Variants in ENC1 observed in about 807,000 individuals in gnomAD.
ENC1 encodes the protein ectoderm-neural cortex protein 1.
A neutral mutation model predicts 40.9 loss-of-function variants in ENC1; 19 were observed. The observed-to-expected ratio is 0.46, with a 90% CI of 0.32 to 0.68. The LOEUF (loss-of-function observed/expected upper bound fraction) is 0.68. ENC1 is among the 30% of genes least tolerant of loss of function. The pLI is 0.03. For synonymous variants in ENC1, 285 were observed against 291.1 expected (o/e 0.98, Z 0.21); for missense variants, 479 against 737.5 (o/e 0.65, Z 4.06).
intron 2 of ENC1, among the ~76,000 whole-genome samples, chr5:74,633,841 G>T (rs560233563): frequency 1.3e-5 from 2 of 152,154 alleles, no homozygotes; most frequent in Non-Finnish European, 2.9e-5. Context: ...CTTAGCCTCC[G>T]TAATGCATGA....
intron 2 of ENC1, among the ~76,000 whole-genome samples, chr5:74,630,206 G>GCA (rs1747346564): frequency 6.6e-6 from 1 of 152,168 alleles, no homozygotes; most frequent in Admixed American, 6.5e-5. Context: ...ACACACGTGT[G>GCA]CACGTACACA....
intron 2 of ENC1, among the ~76,000 whole-genome samples, chr5:74,633,456 A>AAT (rs1412252317): frequency 3.9e-5 from 6 of 152,214 alleles, no homozygotes; most frequent in African/African-American, 4.8e-5. Context: ...TATCTGCACA[A>AAT]ATTTCTGCTA....
chr5:74,636,514 A>C lies in ENC1; in HGVS notation c.-13-16T>G. On this transcript the variant is annotated splice_polypyrimidine_tract_variant and intron_variant, in intron 1 of 2. Coordinates refer to ENST00000302351, the MANE Select transcript of ENC1 (RefSeq NM_003633.4). This position sits in a 1 kb window ranked among gnomAD's most constrained non-coding sequence, Gnocchi z 4.8. ...GTTTCCACTCCTAAAAATAATAATA[A>C]TAATAAATTGAAAATGATGCTCCTG... 1 of 1,360,460 alleles carries C rather than the reference A, an allele frequency of 7.4e-7. No homozygotes were observed. The highest frequency in any genetic ancestry group is 1.0e-6 in the Non-Finnish European group (1 of 980,154). 84.3% of individuals were successfully genotyped at this position (1,360,460 alleles called of 1,614,324 possible).
In ENC1 at chr5:74,635,197, A is replaced by G. The variant is rs1189100797; in HGVS notation, c.1289T>C (p.Leu430Pro). 1.9e-6 allele frequency: 3 copies of G among 1,614,192 alleles called. No homozygotes were observed. The highest frequency in any genetic ancestry group is 1.7e-5 in the Admixed American group (1 of 60,024). ...TINKWTMVAP[L>P]REGVSNAAVV... Reference sequence around the variant, plus strand: ...TGCGGCGTTGCTAACGCCTTCTCGGAGTGGGGCCACCATGGTCCATTTGTT... The same window carrying G: ...TGCGGCGTTGCTAACGCCTTCTCGGGGTGGGGCCACCATGGTCCATTTGTT... Residue 430 changes from leucine (L) to proline (P), a missense_variant, in exon 2 of 3, where the codon CTC becomes CCC. By Grantham distance (98) the Leu-to-Pro change is moderately conservative. Coordinates refer to ENST00000302351, the MANE Select transcript of ENC1 (RefSeq NM_003633.4). The surrounding 1 kb of genome is among the most constrained non-coding windows in gnomAD (Gnocchi z 5.5).
At position 74,629,711 on chromosome 5, in the gene ENC1, T is replaced by A. The variant is rs1055891044; in HGVS notation, c.*314A>T. On this transcript the variant is annotated 3_prime_UTR_variant, in exon 3 of 3. Coordinates refer to ENST00000302351, the MANE Select transcript of ENC1 (RefSeq NM_003633.4). ...GGTACAGCAAGGGAAAAGGTCCAGC[T>A]TTTCTCTCCCTTTGAGGGGCTGATT... 1.3e-5 allele frequency: 2 copies of A among 152,168 alleles called. No individual in the cohort carries two copies. The highest frequency in any genetic ancestry group is 4.8e-5 in the African/African-American group (2 of 41,432). The allele number at this position is 152,168 out of a possible 1,614,324, so 9.4% of individuals were successfully genotyped here.
In ENC1 at chr5:74,634,770, CG is replaced by C; in HGVS notation, c.1715del (p.Pro572ArgfsTer4). On this transcript the variant is annotated frameshift_variant, in exon 2 of 3. Transcript: ENST00000302351. LOFTEE classifies it high-confidence loss of function. ...LDVWNSITTV[P>X]YSLIPTAFVS... The stretch of plus-strand genomic sequence containing the variant: ...CAAATGCAGTAGGAATCAGCGAGTA[CG>C]GGACAGTGGTGATGCTGTTCCACAC... 1 of 1,613,964 alleles carries C rather than the reference CG, an allele frequency of 6.2e-7. No individual in the cohort carries two copies. The highest frequency in any genetic ancestry group is 8.5e-7 in the Non-Finnish European group (1 of 1,179,844).
At chr5:74,637,226 C>T (rs1245804282) in intron 1 of ENC1, among the ~76,000 whole-genome samples, 2 of 152,204 alleles carry the variant, frequency 1.3e-5, no homozygotes, top group Non-Finnish European at 2.9e-5. Flanking sequence ...AGTGATCCTC[C>T]TGCCTTGGCC....
At chr5:74,639,958 GAGCGACGC>G (rs778448973) in intron 1 of ENC1, 7 of 152,256 alleles carry the variant, frequency 4.6e-5, no homozygotes, top group Non-Finnish European at 7.3e-5. Context: ...AGGCTGCGGG[GAGCGACGC>G]AGCGCGACAT....
In ENC1 at chr5:74,636,092, T is replaced by C; in HGVS notation, c.394A>G (p.Ile132Val). The change falls in exon 2 of 3, where the codon ATC becomes GTC. Residue 132 changes from isoleucine (I) to valine (V), a missense_variant. Ile to Val is a conservative substitution (Grantham distance 29). Transcript: ENST00000302351. This position sits in a 1 kb window ranked among gnomAD's most constrained non-coding sequence, Gnocchi z 4.8. The stretch of plus-strand genomic sequence containing the variant: ...AGGAACTCTGCACATGCATCCCGGA[T>C]GTCTTGAAACTCCAGCATGTCACCA... ...EAGDMLEFQD[I>V]RDACAEFLEK... The C allele has an allele frequency of 6.2e-7, 1 of 1,614,212 alleles. No individual in the cohort carries two copies. The highest frequency in any genetic ancestry group is 8.5e-7 in the Non-Finnish European group (1 of 1,180,046).
At chr5:74,638,627 G>A (rs1217653070) in intron 1 of ENC1, among the ~76,000 whole-genome samples, 1 of 152,166 alleles carries the variant, frequency 6.6e-6, no homozygotes, top group African/African-American at 2.4e-5. Flanking sequence ...ATGAACCTAT[G>A]GGAATGCATC....
rs1747322570 is a variant in ENC1 at position 74,629,612 on chromosome 5, C to T, written c.*413G>A. 6.6e-6 allele frequency: 1 copy of T among 152,178 alleles called. No individual in the cohort carries two copies. The highest frequency in any genetic ancestry group is 2.4e-5 in the African/African-American group (1 of 41,434). The allele number at this position is 152,178 out of a possible 1,614,324, so 9.4% of individuals were successfully genotyped here. A position where few individuals can be genotyped will look rare whatever the true frequency, so the allele number is the denominator to read the frequency against. ...TGGTGTGGAGGCTTCAAGCTCTGTCCTCAGAGAGAGGTGACAACCATTTCA... is the reference window on the plus strand; with the variant it reads ...TGGTGTGGAGGCTTCAAGCTCTGTCTTCAGAGAGAGGTGACAACCATTTCA... On this transcript the variant is annotated 3_prime_UTR_variant, in exon 3 of 3. Coordinates refer to ENST00000302351, the MANE Select transcript of ENC1 (RefSeq NM_003633.4).
chr5:74,629,316 T>C lies in ENC1; in HGVS notation c.*709A>G, dbSNP rs1295662506. The C allele has an allele frequency of 6.6e-6, 1 of 152,172 alleles. No homozygotes were observed. Among genetic ancestry groups the C allele is most frequent in the Admixed American group, 6.5e-5 (1 of 15,282 alleles). 9.4% of individuals were successfully genotyped at this position (152,172 alleles called of 1,614,324 possible). On this transcript the variant is annotated 3_prime_UTR_variant, in exon 3 of 3. Transcript: ENST00000302351. ...ACACGTCCATACATGTGAAGACAGCTGTAGGCATTGTTTCAGCATGCAGGC... is the reference window on the plus strand; with the variant it reads ...ACACGTCCATACATGTGAAGACAGCCGTAGGCATTGTTTCAGCATGCAGGC...
rs778396427 is a variant in ENC1, at chr5:74,636,889, G to T, written c.-13-391C>A. Among the ~76,000 whole-genome samples, 18 of 152,156 alleles carry T rather than the reference G, an allele frequency of 1.2e-4. No individual in the cohort carries two copies. The highest frequency in any genetic ancestry group is 4.3e-4 in the African/African-American group (18 of 41,434). ...TGTCCTAGTCCAGCTCATTCACTGC[G>T]GGCCACTTAAAATGCCAGGTCTCCT... On this transcript the variant is annotated intron_variant, in intron 1 of 2. Transcript: ENST00000302351. This position sits in a 1 kb window ranked among gnomAD's most constrained non-coding sequence, Gnocchi z 4.8.
chr5:74,634,321 A>C (rs1324652274), intron 2 of ENC1, among the ~76,000 whole-genome samples: 1 of 152,128 alleles, frequency 6.6e-6, no homozygotes. Context: ...CTGAGGCAGG[A>C]GAATGGTGTG....
In ENC1 at chr5:74,629,838, T is replaced by G; in HGVS notation, c.*187A>C. 9.2e-6 allele frequency: 1 copy of G among 108,496 alleles called. No homozygotes were observed. The highest frequency in any genetic ancestry group is 1.8e-5 in the Non-Finnish European group (1 of 56,380). The allele number at this position is 108,496 out of a possible 1,614,324, so 6.7% of individuals were successfully genotyped here. ...ACTTGCACCAAAAATCCCACCCCCC[T>G]CCCTCGCCCCTTTCCTTCATGTCCA... On this transcript the variant is annotated 3_prime_UTR_variant, in exon 3 of 3. Transcript: ENST00000302351.
At position 74,636,367 on chromosome 5, in the gene ENC1, C is replaced by T; in HGVS notation, c.119G>A (p.Arg40His). ...DSVLTHLNLL[R>H]QQRLFTDVLL... ...GACGTCAGTGAAGAGACGCTGCTGG[C>T]GTAAAAGATTCAGGTGAGTGAGGAC... Residue 40 changes from arginine (R) to histidine (H), a missense_variant, in exon 2 of 3, where the codon CGC becomes CAC. By Grantham distance (29) the Arg-to-His change is conservative (BLOSUM62 0). Coordinates refer to ENST00000302351, the MANE Select transcript of ENC1 (RefSeq NM_003633.4). The surrounding 1 kb of genome is among the most constrained non-coding windows in gnomAD (Gnocchi z 4.8). 4 of 1,614,110 alleles carry T rather than the reference C, an allele frequency of 2.5e-6. No homozygotes were observed. Among genetic ancestry groups the T allele is most frequent in the Non-Finnish European group, 2.5e-6 (3 of 1,180,022 alleles).
At chr5:74,632,857 A>T (rs773735333) in intron 2 of ENC1, among the ~76,000 whole-genome samples, 1 of 152,168 alleles carries the variant, frequency 6.6e-6, no homozygotes, top group Non-Finnish European at 1.5e-5. Flanking sequence ...TCTCAAAAAG[A>T]AAATAAAATG....
Position 74,636,697 on chromosome 5 carries a change from C to T in ENC1, c.-13-199G>A, listed in dbSNP as rs574067005. On this transcript the variant is annotated intron_variant, in intron 1 of 2. Coordinates refer to ENST00000302351, the MANE Select transcript of ENC1 (RefSeq NM_003633.4). The surrounding 1 kb of genome is among the most constrained non-coding windows in gnomAD (Gnocchi z 4.8). Reference sequence around the variant, plus strand: ...GAAGGAAGGATATTCACTGCTAATACTGTTGAGCTATTTGAACTCTGCACT... The same window carrying T: ...GAAGGAAGGATATTCACTGCTAATATTGTTGAGCTATTTGAACTCTGCACT... Among the ~76,000 whole-genome samples, 18 of 150,526 alleles carry T rather than the reference C, an allele frequency of 1.2e-4. No homozygotes were observed. Among genetic ancestry groups the T allele is most frequent in the Non-Finnish European group, 1.0e-4 (7 of 67,846 alleles).
chr5:74,640,723 G>A lies in ENC1; in HGVS notation c.-430C>T, dbSNP rs1468838655. On this transcript the variant is annotated 5_prime_UTR_variant, in exon 1 of 3. Coordinates refer to ENST00000302351, the MANE Select transcript of ENC1 (RefSeq NM_003633.4). Reference sequence around the variant, plus strand: ...CGCCTCCTCTCCGGCTGCCAGAGCAGTCTGCGCCCCGCCGCCGTGCGCCCC... The same window carrying A: ...CGCCTCCTCTCCGGCTGCCAGAGCAATCTGCGCCCCGCCGCCGTGCGCCCC... 3 of 152,502 alleles carry A rather than the reference G, an allele frequency of 2.0e-5. No individual in the cohort carries two copies. The highest frequency in any genetic ancestry group is 4.4e-5 in the Non-Finnish European group (3 of 68,272). 9.4% of individuals were successfully genotyped at this position (152,502 alleles called of 1,614,324 possible). A position where few individuals can be genotyped will look rare whatever the true frequency, so the allele number is the denominator to read the frequency against.
Sources: gnomAD v4.1 joint callset for allele counts (sites outside exome capture counted in the v4.1 genomes callset) on GRCh38, gnomAD v4.1.1 for gene constraint, Gnocchi (gnomAD v3.1) non-coding constraint, MANE v1.5 for transcripts, NCBI Gene and HGNC (gene_info 2026-07-23, HGNC 2026-07-21) for gene names.